The following DENND1B variants were observed in gnomAD, a reference collection of about 807,000 sequenced individuals.
DENND1B encodes the protein DENN domain-containing protein 1B.
DENND1B carries 59 observed loss-of-function variants against 90.1 expected under a neutral mutation model. The ratio of observed to expected loss-of-function variants is 0.65; its 90% CI spans 0.53 to 0.81. The LOEUF (loss-of-function observed/expected upper bound fraction) is 0.81. Ranked by LOEUF, DENND1B falls within the 40% of genes least tolerant of loss-of-function variation. The probability of loss-of-function intolerance (pLI) is 0.00; values close to 1 mark genes in which losing one functional copy is unlikely to be tolerated. For synonymous variants in DENND1B, 337 were observed against 324.6 expected (o/e 1.04, Z -0.41); for missense variants, 862 against 912.6 (o/e 0.94, Z 0.71).
chr1:197,732,645 CATT>C (rs1255691594), intron 2 of DENND1B, among the ~76,000 whole-genome samples: 2 of 152,166 alleles, frequency 1.3e-5, no homozygotes, highest in African/African-American at 4.8e-5. Flanking sequence ...AAGTTACATA[CATT>C]AATACATCCA....
rs1170648495 is a variant in DENND1B, at chr1:197,507,813, T to G, written c.*2647A>C. 6.6e-6 allele frequency: 1 copy of G among 151,678 alleles called. No individual in the cohort carries two copies. The highest frequency in any genetic ancestry group is 1.5e-5 in the Non-Finnish European group (1 of 67,744). 9.4% of individuals were successfully genotyped at this position (151,678 alleles called of 1,614,324 possible). A position where few individuals can be genotyped will look rare whatever the true frequency, so the allele number is the denominator to read the frequency against. ...ACCATAATACTAGGAAGTCTAAGTT[T>G]AAGAGCAGACTTTGAATATTCAAAA... On this transcript the variant is annotated 3_prime_UTR_variant, in exon 23 of 23. Coordinates refer to ENST00000620048, the MANE Select transcript of DENND1B (RefSeq NM_001195215.2).
intron 5 of DENND1B, among the ~76,000 whole-genome samples, chr1:197,668,413 G>T (rs1655157305): frequency 6.6e-6 from 1 of 151,618 alleles, no homozygotes; most frequent in African/African-American, 2.4e-5. Context: ...ACAGAGAGGA[G>T]GTTACAAAAT....
Position 197,611,863 on chromosome 1 carries a change from A to G in DENND1B, c.819+68T>C. 4.9e-6 allele frequency: 7 copies of G among 1,428,818 alleles called. No individual in the cohort carries two copies. In the South Asian group the frequency reaches 8.3e-5, roughly 17 times the overall value. 88.5% of individuals were successfully genotyped at this position (1,428,818 alleles called of 1,614,324 possible). A position where few individuals can be genotyped will look rare whatever the true frequency, so the allele number is the denominator to read the frequency against. On this transcript the variant is annotated intron_variant, in intron 12 of 22. Coordinates refer to ENST00000620048, the MANE Select transcript of DENND1B (RefSeq NM_001195215.2). ...CCTATACCACTGATATTTCTTCAAA[A>G]CAAAACTGTTTTAACTATTATTTTA...
intron 11 of DENND1B, 137 bp downstream of exon 11, chr1:197,617,522 C>G: frequency 1.6e-6 from 1 of 620,634 alleles, no homozygotes; most frequent in African/African-American, 1.9e-5. Flanking sequence ...TTCATAAAAG[C>G]CATCTTTACT....
chr1:197,715,029 A>T lies in DENND1B; in HGVS notation c.126+2T>A. 1 of 1,609,822 alleles carries T rather than the reference A, an allele frequency of 6.2e-7. No individual in the cohort carries two copies. Among genetic ancestry groups the T allele is most frequent in the Non-Finnish European group, 8.5e-7 (1 of 1,177,054 alleles). On this transcript the variant is annotated splice_donor_variant, in intron 3 of 22. Transcript: ENST00000620048. LOFTEE classifies it high-confidence loss of function. ...TTTTTTAAAAAATTATGTGGTACCA[A>T]CCTGGTCTCCAAAGTCCTCTGGGAA...
chr1:197,552,928 G>A (rs1671363362), intron 16 of DENND1B, 94 bp downstream of exon 16: 4 of 1,528,972 alleles, frequency 2.6e-6, no homozygotes, highest in Admixed American at 2.6e-5. Context: ...GAAATCATTA[G>A]TTGTTTATGA....
intron 2 of DENND1B, among the ~76,000 whole-genome samples, chr1:197,769,960 A>T (rs553614837): frequency 2.5e-4 from 38 of 152,188 alleles, no homozygotes; most frequent in Non-Finnish European, 4.3e-4. Context: ...TGGCAAAAAA[A>T]TTTACTTTTA....
chr1:197,732,149 G>C (rs2488397), intron 2 of DENND1B, among the ~76,000 whole-genome samples: 34,246 of 151,940 alleles, frequency 0.23, 4,143 homozygotes, highest in Middle Eastern at 0.33. Flanking sequence ...ACCTTCCCAA[G>C]TCTGGTCACT....
intron 15 of DENND1B, among the ~76,000 whole-genome samples, chr1:197,573,365 A>C (rs981810940): frequency 2.0e-5 from 3 of 152,148 alleles, no homozygotes; most frequent in African/African-American, 7.2e-5. Context: ...GTTTCAAAGA[A>C]CATCTTTATT....
intron 2 of DENND1B, among the ~76,000 whole-genome samples, chr1:197,719,210 G>C (rs1264031240): frequency 6.6e-6 from 1 of 152,116 alleles, no homozygotes; most frequent in Non-Finnish European, 1.5e-5. Context: ...CAAAGTAGAG[G>C]AAAGTAAAGG....
intron 5 of DENND1B, among the ~76,000 whole-genome samples, chr1:197,667,532 C>A (rs1465865461): frequency 6.6e-6 from 1 of 152,050 alleles, no homozygotes; most frequent in African/African-American, 2.4e-5. Context: ...TGGGTTCAAG[C>A]GATTCTCCTG....
At chr1:197,582,054 ATT>A (rs1280743103) in intron 15 of DENND1B, among the ~76,000 whole-genome samples, 1 of 152,112 alleles carries the variant, frequency 6.6e-6, no homozygotes, top group Non-Finnish European at 1.5e-5. Flanking sequence ...AGCCCACTCT[ATT>A]TTTTGGAAAT....
intron 20 of DENND1B, among the ~76,000 whole-genome samples, chr1:197,523,829 T>G (rs1668947475): frequency 6.6e-6 from 1 of 152,200 alleles, no homozygotes; most frequent in South Asian, 2.1e-4. Flanking sequence ...AAATGCTGTT[T>G]AACTCTTTCT....
chr1:197,746,672 T>C (rs1310662611), intron 2 of DENND1B: 9 of 742,440 alleles, frequency 1.2e-5, no homozygotes, highest in Non-Finnish European at 2.2e-5. Flanking sequence ...TTTTCTGACA[T>C]ATTTAACACA....
At chr1:197,629,228 A>C (rs1025866930) in intron 10 of DENND1B, among the ~76,000 whole-genome samples, 1 of 151,364 alleles carries the variant, frequency 6.6e-6, no homozygotes, top group Non-Finnish European at 1.5e-5. Flanking sequence ...ACATGCACAC[A>C]TATGTTTATT....
chr1:197,765,609 CAA>C (rs1322218487), intron 2 of DENND1B, among the ~76,000 whole-genome samples: 1 of 152,090 alleles, frequency 6.6e-6, no homozygotes, highest in Non-Finnish European at 1.5e-5. Flanking sequence ...GTCAAGAAAA[CAA>C]AGTTATAAGA....
chr1:197,659,054 A>C (rs1406270180), intron 5 of DENND1B, among the ~76,000 whole-genome samples: 1 of 151,160 alleles, frequency 6.6e-6, no homozygotes, highest in Non-Finnish European at 1.5e-5. Context: ...TTAATGTCTA[A>C]AGATTTTAAT....
At position 197,510,685 on chromosome 1, in the gene DENND1B, T is replaced by C; in HGVS notation, c.2103A>G (p.Thr701=). 6.2e-7 allele frequency: 1 copy of C among 1,612,840 alleles called. No homozygotes were observed. Among genetic ancestry groups the C allele is most frequent in the Non-Finnish European group, 8.5e-7 (1 of 1,179,218 alleles). The stretch of plus-strand genomic sequence containing the variant: ...TCTGGCTTAGTGTTTCCCTCTTTTC[T>C]GTTTTTCCTTTATCAGTCTGGGAAA... ...PEVSQTDKGK[T]EKRETLSQIS... is the part of the protein sequence containing the mutation. Residue 701 remains threonine, a synonymous_variant, in exon 23 of 23, where the codon ACA becomes ACG. Transcript: ENST00000620048.
intron 14 of DENND1B, 60 bp from the exon 15 acceptor site, chr1:197,583,313 T>G: frequency 6.7e-7 from 1 of 1,486,860 alleles, no homozygotes; most frequent in Non-Finnish European, 9.4e-7. Context: ...AGAACTAGTC[T>G]CTTTAAATAG....
Sources: gnomAD v4.1 joint callset for allele counts (sites outside exome capture counted in the v4.1 genomes callset) on GRCh38, gnomAD v4.1.1 for gene constraint, MANE v1.5 for transcripts, NCBI Gene and HGNC (gene_info 2026-07-23, HGNC 2026-07-21) for gene names.